Variants in UNC79 observed in about 807,000 individuals in gnomAD.
The protein encoded by UNC79 is protein unc-79 homolog.
In UNC79, 37 loss-of-function variants were observed where a neutral mutation model predicts 283.1. The observed-to-expected ratio is 0.13, with a 90% CI of 0.10 to 0.17. The LOEUF (loss-of-function observed/expected upper bound fraction) is 0.17. Among genes scored for constraint, UNC79 ranks in the 10% least tolerant of loss-of-function variants. The probability of loss-of-function intolerance (pLI) is 1.00; values close to 1 mark genes in which losing one functional copy is unlikely to be tolerated. For synonymous variants in UNC79, 1,107 were observed against 1,200.2 expected (o/e 0.92, Z 1.61); for missense variants, 2,272 against 3,211.1 (o/e 0.71, Z 7.07).
intron 1 of UNC79, among the ~76,000 whole-genome samples, chr14:93,447,206 A>G (rs533854561): frequency 8.5e-5 from 13 of 152,276 alleles, no homozygotes; most frequent in Middle Eastern, 6.8e-3. Context: ...CTACCTTCAC[A>G]TGCTGTTTAT....
At chr14:93,464,939 C>A (rs1229348020) in intron 1 of UNC79, among the ~76,000 whole-genome samples, 2 of 152,148 alleles carry the variant, frequency 1.3e-5, no homozygotes, top group East Asian at 3.9e-4. Flanking sequence ...TTGTCATGGA[C>A]CTTTTTGGCT....
chr14:93,594,483 TG>T (rs1285063258), intron 23 of UNC79, among the ~76,000 whole-genome samples: 1 of 152,196 alleles, frequency 6.6e-6, no homozygotes, highest in Admixed American at 6.5e-5. Context: ...TTGATCAGGC[TG>T]GTCTTGAACT....
exon 30 of UNC79, chr14:93,622,104 T>C (rs2067184127): frequency 6.2e-7 from 1 of 1,614,046 alleles, no homozygotes; most frequent in Admixed American, 1.7e-5. Context: ...CACTCTATAC[T>C]CTCAACCTCC....
intron 1 of UNC79, among the ~76,000 whole-genome samples, chr14:93,418,733 C>T (rs931959695): frequency 6.6e-5 from 10 of 151,706 alleles, no homozygotes; most frequent in African/African-American, 1.4e-4. Context: ...ATGGTGGGCG[C>T]CCCTCCCCCA....
At chr14:93,366,851 G>T (rs2139955832) in intron 1 of UNC79, among the ~76,000 whole-genome samples, 1 of 152,194 alleles carries the variant, frequency 6.6e-6, no homozygotes, top group Non-Finnish European at 1.5e-5. Context: ...GGGATTATAG[G>T]TGTGAGCCAC....
At chr14:93,443,979 G>A (rs752781382) in intron 1 of UNC79, among the ~76,000 whole-genome samples, 1 of 152,144 alleles carries the variant, frequency 6.6e-6, no homozygotes, top group Non-Finnish European at 1.5e-5. Flanking sequence ...GAATTGCTTG[G>A]TAGTATGGTT....
intron 31 of UNC79, 138 bp from the exon 35 acceptor site, chr14:93,637,078 T>C (rs544997953): frequency 2.8e-5 from 19 of 688,018 alleles, no homozygotes; most frequent in Non-Finnish European, 3.7e-5. Flanking sequence ...AAATCTAGGA[T>C]GTGTTCTGTA....
At chr14:93,682,832 A>G in intron 42 of UNC79, 138 bp downstream of exon 45, 3 of 725,120 alleles carry the variant, frequency 4.1e-6, no homozygotes, top group Non-Finnish European at 6.7e-6. Context: ...ATTTTAACCT[A>G]TAATTCTTTG....
exon 15 of UNC79, chr14:93,571,946 G>T: frequency 6.2e-7 from 1 of 1,614,146 alleles, no homozygotes; most frequent in South Asian, 1.1e-5. Flanking sequence ...CTGAAGGAAG[G>T]TCTCAACCGA....
intron 1 of UNC79, among the ~76,000 whole-genome samples, chr14:93,337,525 A>T (rs1219401100): frequency 6.6e-6 from 1 of 152,218 alleles, no homozygotes; most frequent in Admixed American, 6.5e-5. Flanking sequence ...CCCAACCCAG[A>T]GTTGTAACAC....
intron 14 of UNC79, among the ~76,000 whole-genome samples, chr14:93,571,309 A>C (rs2063195320): frequency 6.6e-6 from 1 of 152,220 alleles, no homozygotes; most frequent in Non-Finnish European, 1.5e-5. Flanking sequence ...CCTGCTCTTA[A>C]AAATTGATAT....
intron 1 of UNC79, among the ~76,000 whole-genome samples, chr14:93,353,505 A>G (rs1296549512): frequency 6.6e-6 from 1 of 152,116 alleles, no homozygotes; most frequent in Non-Finnish European, 1.5e-5. Flanking sequence ...CTGTTGTAAA[A>G]TTTATTCTTT....
chr14:93,342,714 A>G (rs982605209), intron 1 of UNC79, among the ~76,000 whole-genome samples: 3 of 152,264 alleles, frequency 2.0e-5, no homozygotes, highest in Non-Finnish European at 2.9e-5. Context: ...TCATAAATGC[A>G]TATGACTGTA....
At chr14:93,438,725 T>G (rs1344999861) in intron 1 of UNC79, among the ~76,000 whole-genome samples, 1 of 152,018 alleles carries the variant, frequency 6.6e-6, no homozygotes. Context: ...CAAAATAATT[T>G]TATAAACAAG....
chr14:93,512,169 A>T (rs2059856602), intron 7 of UNC79, among the ~76,000 whole-genome samples: 1 of 152,154 alleles, frequency 6.6e-6, no homozygotes, highest in African/African-American at 2.4e-5. Context: ...ATCTATGGTA[A>T]TTCCATTGTA....
intron 1 of UNC79, 44 bp from the exon 2 acceptor site, chr14:93,467,627 C>CATTTTTTTTTTTTT: frequency 1.2e-6 from 1 of 828,960 alleles, no homozygotes; most frequent in Non-Finnish European, 1.4e-6. Flanking sequence ...TTTTCTTCTT[C>CATTTTTTTTTTTTT]CTTTTTTTTT....
At position 93,359,670 on chromosome 14, in the gene UNC79, A is replaced by T. The variant is rs562883744; in HGVS notation, c.-351+26147A>T. 1.4e-4 allele frequency among the ~76,000 whole-genome samples: 21 copies of T among 152,290 alleles called. No individual in the cohort carries two copies. In the South Asian group the frequency reaches 4.1e-3, roughly 30 times the overall value. ...TTGATAGGAAGCCTACTGCATTCCT[A>T]CTTAATTTATATAAGCAGAAAACTT... On this transcript the variant is annotated intron_variant, in intron 1 of 49. Transcript: ENST00000256339.
intron 35 of UNC79, among the ~76,000 whole-genome samples, chr14:93,652,856 A>G (rs906348072): frequency 6.6e-6 from 1 of 151,924 alleles, no homozygotes; most frequent in Admixed American, 6.6e-5. Flanking sequence ...GGCTTTATTA[A>G]TTTTAGTTTT....
upstream of UNC79, among the ~76,000 whole-genome samples, chr14:93,428,208 T>C (rs2140084069): frequency 6.6e-6 from 1 of 152,328 alleles, no homozygotes; most frequent in East Asian, 1.9e-4. Flanking sequence ...TTCAGTAAGA[T>C]GATAGGCACA....
Sources: allele counts gnomAD v4.1 joint callset (sites outside exome capture counted in the v4.1 genomes callset), GRCh38; gene constraint gnomAD v4.1.1; transcripts MANE v1.5; gene names NCBI Gene and HGNC (gene_info 2026-07-23, HGNC 2026-07-21).